The following ZMYM4 variants were observed in gnomAD, a reference collection of about 807,000 sequenced individuals.
ZMYM4 encodes the protein zinc finger MYM-type containing 4, also known as zinc finger MYM-type protein 4.
Under a neutral mutation model 183.2 loss-of-function variants are expected in ZMYM4, and 31 were observed. The observed-to-expected ratio is 0.17, with a 90% CI of 0.13 to 0.23. The LOEUF (loss-of-function observed/expected upper bound fraction) is 0.23, where lower values mean the gene tolerates loss of function less well. Among genes scored for constraint, ZMYM4 ranks in the 10% least tolerant of loss-of-function variants. The pLI is 1.00. For synonymous variants in ZMYM4, 592 were observed against 631.2 expected (o/e 0.94, Z 0.93); for missense variants, 1,273 against 1,840.3 (o/e 0.69, Z 5.64).
chr1:35,322,263 A>G (rs775840370), intron 1 of ZMYM4, among the ~76,000 whole-genome samples: 3 of 152,196 alleles, frequency 2.0e-5, no homozygotes, highest in Non-Finnish European at 2.9e-5. Context: ...TATACATAGA[A>G]TATTAACCAT....
intron 26 of ZMYM4, among the ~76,000 whole-genome samples, chr1:35,412,285 C>T (rs987528644): frequency 7.9e-5 from 12 of 152,050 alleles, no homozygotes; most frequent in African/African-American, 2.9e-4. Flanking sequence ...CTTATTAGCT[C>T]TAATAATTCA....
chr1:35,381,237 G>A, intron 7 of ZMYM4, 22 bp from the exon 8 acceptor site: 1 of 1,550,142 alleles, frequency 6.5e-7, no homozygotes, highest in Middle Eastern at 2.0e-4. Flanking sequence ...CATGGCTTAT[G>A]TTATTTTTTT....
Position 35,415,645 on chromosome 1 carries a change from C to G in ZMYM4, c.4240C>G (p.Leu1414Val). The stretch of plus-strand genomic sequence containing the variant: ...CCATGTGATGAGACGGACCAGGACT[C>G]TGAAGTACAGTACCAAGATGACATA... The part of the protein sequence containing the change: ...FAHVMRRTRT[L>V]KYSTKMTYLR... The change falls in exon 28 of 30, where the codon CTG becomes GTG. Residue 1414 changes from leucine (L) to valine (V), a missense_variant. By Grantham distance (32) the Leu-to-Val change is conservative (BLOSUM62 1). This residue lies in a region of ZMYM4 where 145 missense variants were observed against 331.6 expected (regional missense o/e 0.44). Coordinates refer to ENST00000314607, the MANE Select transcript of ZMYM4 (RefSeq NM_005095.3). The G allele has an allele frequency of 6.2e-7, 1 of 1,614,118 alleles. No individual in the cohort carries two copies. Among genetic ancestry groups the G allele is most frequent in the Non-Finnish European group, 8.5e-7 (1 of 1,180,020 alleles).
intron 1 of ZMYM4, among the ~76,000 whole-genome samples, chr1:35,307,789 C>G (rs1270317864): frequency 1.3e-5 from 2 of 151,866 alleles, no homozygotes; most frequent in African/African-American, 4.8e-5. Flanking sequence ...CCGCCTCGGC[C>G]TCCCAAAGTG....
chr1:35,394,001 A>G (rs1471098017), intron 18 of ZMYM4, among the ~76,000 whole-genome samples: 1 of 152,048 alleles, frequency 6.6e-6, no homozygotes, highest in African/African-American at 2.4e-5. Flanking sequence ...ACAATGTAAT[A>G]TTATAGAATA....
intron 2 of ZMYM4, among the ~76,000 whole-genome samples, chr1:35,341,255 A>G (rs982407771): frequency 5.9e-5 from 9 of 152,138 alleles, no homozygotes; most frequent in African/African-American, 1.9e-4. Context: ...CTAAATTTTA[A>G]CATGATTTTA....
At chr1:35,374,100 T>C (rs1644281576) in intron 7 of ZMYM4, among the ~76,000 whole-genome samples, 1 of 147,710 alleles carries the variant, frequency 6.8e-6, no homozygotes, top group Non-Finnish European at 1.5e-5. Context: ...GGCACGATCT[T>C]GGCTCACTGC....
chr1:35,387,692 ATC>A lies in ZMYM4; in HGVS notation c.2263+90_2263+91del, dbSNP rs1281169436. 5.8e-6 allele frequency: 8 copies of A among 1,385,572 alleles called. No homozygotes were observed. The East Asian group carries it at 1.9e-4, about 32-fold the overall frequency. The allele number at this position is 1,385,572 out of a possible 1,614,324, so 85.8% of individuals were successfully genotyped here. Reference sequence around the variant, plus strand: ...ATTTAAGCTTTCACTGTCTAAGTTAATCTGTTTTATTGTTTATGTATAACGTA... The same window carrying A: ...ATTTAAGCTTTCACTGTCTAAGTTAATGTTTTATTGTTTATGTATAACGTA... On this transcript the variant is annotated intron_variant, in intron 13 of 29. Coordinates refer to ENST00000314607, the MANE Select transcript of ZMYM4 (RefSeq NM_005095.3).
chr1:35,401,186 CT>C (rs1186612951), intron 23 of ZMYM4, among the ~76,000 whole-genome samples: 10 of 152,150 alleles, frequency 6.6e-5, no homozygotes, highest in Non-Finnish European at 1.3e-4. Flanking sequence ...GTATTTTTAA[CT>C]TTGTAAGAAA....
Position 35,386,031 on chromosome 1 carries a change from A to C in ZMYM4, c.1721-43A>C. 2.9e-6 allele frequency: 4 copies of C among 1,394,494 alleles called. No individual in the cohort carries two copies. In the South Asian group the frequency reaches 4.8e-5, roughly 17 times the overall value. The allele number at this position is 1,394,494 out of a possible 1,614,324, so 86.4% of individuals were successfully genotyped here. ...TTTAATTTCTCATACTTTTGTGTAC[A>C]TTTGTACATATTACTCATTGGTTTT... On this transcript the variant is annotated intron_variant, in intron 10 of 29. Transcript: ENST00000314607.
chr1:35,309,151 T>A, intron 1 of ZMYM4: 2 of 628,918 alleles, frequency 3.2e-6, no homozygotes, highest in Non-Finnish European at 2.0e-6. Flanking sequence ...CAAGATGACT[T>A]AACTGTTGAC....
chr1:35,413,021 A>G (rs1639976821), intron 26 of ZMYM4, among the ~76,000 whole-genome samples: 1 of 152,004 alleles, frequency 6.6e-6, no homozygotes. Flanking sequence ...CCCTGTCTCA[A>G]TTGATTTTAT....
intron 1 of ZMYM4, among the ~76,000 whole-genome samples, chr1:35,282,105 A>G (rs1173636248): frequency 1.3e-5 from 2 of 152,232 alleles, no homozygotes; most frequent in Non-Finnish European, 2.9e-5. Flanking sequence ...AAACATTGGT[A>G]TGTAAGTATT....
chr1:35,358,019 A>G (rs1363227112), intron 2 of ZMYM4, among the ~76,000 whole-genome samples: 1 of 152,206 alleles, frequency 6.6e-6, no homozygotes, highest in Non-Finnish European at 1.5e-5. Context: ...TCCATGAGGG[A>G]TATGCCATTT....
At chr1:35,384,900 G>A (rs540588179) in intron 9 of ZMYM4, among the ~76,000 whole-genome samples, 1 of 145,056 alleles carries the variant, frequency 6.9e-6, no homozygotes. Flanking sequence ...CTGGAGTGCA[G>A]TGGCACGATC....
At chr1:35,284,384 T>C (rs1392079586) in intron 1 of ZMYM4, among the ~76,000 whole-genome samples, 3 of 152,252 alleles carry the variant, frequency 2.0e-5, no homozygotes, top group Non-Finnish European at 4.4e-5. Flanking sequence ...TGTAGATTTT[T>C]CCCTATGTTT....
chr1:35,370,005 T>C, intron 5 of ZMYM4, 24 bp from the exon 6 acceptor site: 1 of 1,540,678 alleles, frequency 6.5e-7, no homozygotes, highest in Non-Finnish European at 8.9e-7. Flanking sequence ...TCTATGTATT[T>C]ATTTATTTTT....
intron 26 of ZMYM4, among the ~76,000 whole-genome samples, chr1:35,413,418 T>C (rs903206869): frequency 6.6e-6 from 1 of 152,218 alleles, no homozygotes; most frequent in African/African-American, 2.4e-5. Flanking sequence ...TTCAATGTCC[T>C]ATAATTAGAC....
chr1:35,269,054 A>T lies in ZMYM4; in HGVS notation c.8A>T (p.Glu3Val). Residue 3 changes from glutamate to valine, a missense_variant, in exon 1 of 30, where the codon GAG (glutamate) becomes GTG (valine). This residue lies in a region of ZMYM4 where 384 missense variants were observed against 465.6 expected (regional missense o/e 0.82). Transcript: ENST00000314607. ...TTCCGAGCGGGGCCCAACATGGCGG[A>T]GAGAGAGGTGGAGTCCGGCCCCCGA... Reference protein sequence around the residue: MAEREVESGPRKR... With the variant: MAVREVESGPRKR... The T allele has an allele frequency of 6.5e-7, 1 of 1,547,464 alleles. No individual in the cohort carries two copies. The highest frequency in any genetic ancestry group is 8.7e-7 in the Non-Finnish European group (1 of 1,145,902).
Sources: allele counts gnomAD v4.1 joint callset (sites outside exome capture counted in the v4.1 genomes callset), GRCh38; gene constraint gnomAD v4.1.1; regional missense constraint gnomAD v4.1.1; transcripts MANE v1.5; gene names NCBI Gene and HGNC (gene_info 2026-07-23, HGNC 2026-07-21).